Variants in DDX10 observed in about 807,000 individuals in gnomAD.
DDX10 encodes the protein DEAD-box helicase 10.
A neutral mutation model predicts 104.3 loss-of-function variants in DDX10; 74 were observed. The ratio of observed to expected loss-of-function variants is 0.71; its 90% CI spans 0.59 to 0.86. DDX10 has a LOEUF of 0.86. Among genes scored for constraint, DDX10 ranks in the 40% least tolerant of loss-of-function variants. The pLI, the probability that DDX10 is intolerant of heterozygous loss-of-function variation, is 0.00. For synonymous variants in DDX10, 351 were observed against 353.4 expected (o/e 0.99, Z 0.08); for missense variants, 952 against 1,040.0 (o/e 0.92, Z 1.16).
intron 16 of DDX10, among the ~76,000 whole-genome samples, chr11:108,865,641 A>C (rs972726676): frequency 2.0e-5 from 3 of 152,096 alleles, no homozygotes; most frequent in African/African-American, 7.2e-5. Context: ...CTCGAATACC[A>C]AGTTGAAGAT....
chr11:108,673,399 A>G (rs986322918), intron 1 of DDX10, 68 bp from the exon 2 acceptor site: 9 of 1,015,600 alleles, frequency 8.9e-6, no homozygotes, highest in South Asian at 3.9e-5. Context: ...GGGCAATACA[A>G]TGTAGAGAAG....
At chr11:108,782,072 C>T (rs1028166379) in intron 13 of DDX10, among the ~76,000 whole-genome samples, 3 of 152,192 alleles carry the variant, frequency 2.0e-5, no homozygotes, top group African/African-American at 7.2e-5. Flanking sequence ...TAAAGGCTTG[C>T]AGCCCTAGGG....
intron 9 of DDX10, among the ~76,000 whole-genome samples, chr11:108,699,966 C>G (rs1308545639): frequency 6.6e-6 from 1 of 152,234 alleles, no homozygotes; most frequent in African/African-American, 2.4e-5. Flanking sequence ...TTTGTATACT[C>G]GGTTACAAAG....
chr11:108,852,052 C>A, intron 15 of DDX10, 101 bp from the exon 16 acceptor site: 1 of 882,756 alleles, frequency 1.1e-6, no homozygotes, highest in Non-Finnish European at 1.7e-6. Flanking sequence ...AAATGAATGT[C>A]ATATATTAGT....
intron 13 of DDX10, among the ~76,000 whole-genome samples, chr11:108,773,824 G>C (rs1475010155): frequency 6.6e-6 from 1 of 152,164 alleles, no homozygotes; most frequent in African/African-American, 2.4e-5. Flanking sequence ...GCTTTGGAGT[G>C]TACCATAGTG....
chr11:108,757,755 T>A (rs1047082745), intron 13 of DDX10, among the ~76,000 whole-genome samples: 1 of 152,054 alleles, frequency 6.6e-6, no homozygotes, highest in South Asian at 2.1e-4. Flanking sequence ...TTTCTCCCAG[T>A]ACTTGTTTTC....
intron 16 of DDX10, among the ~76,000 whole-genome samples, chr11:108,904,851 A>G (rs1220122506): frequency 6.6e-6 from 1 of 152,018 alleles, no homozygotes; most frequent in Non-Finnish European, 1.5e-5. Flanking sequence ...TGTTACTCTT[A>G]CCCTTAAAAA....
chr11:108,786,694 T>C (rs963321320), intron 13 of DDX10, among the ~76,000 whole-genome samples: 2 of 152,192 alleles, frequency 1.3e-5, no homozygotes, highest in African/African-American at 4.8e-5. Flanking sequence ...TTATTTTCCA[T>C]TTGCATGATA....
chr11:108,915,445 TG>T (rs375545877), intron 16 of DDX10, among the ~76,000 whole-genome samples: 4,766 of 110,760 alleles, frequency 0.043, 164 homozygotes, highest in African/African-American at 0.21. Flanking sequence ...TTTTTTTTTT[TG>T]GTTTTTTTTT....
At position 108,933,181 on chromosome 11, in the gene DDX10, G is replaced by T. The variant is rs903289420; in HGVS notation, c.2451-7065G>T. The stretch of plus-strand genomic sequence containing the variant: ...TACAGGGAGGGGTCATTAATGGAAA[G>T]TTATTAAGAAGGAACATCAGGGTTG... On this transcript the variant is annotated intron_variant, in intron 17 of 17. Transcript: ENST00000322536. Among the ~76,000 whole-genome samples, 28 of 151,954 alleles carry T rather than the reference G, an allele frequency of 1.8e-4. 2 individuals are homozygous for T. Among genetic ancestry groups the T allele is most frequent in the African/African-American group, 6.5e-4 (27 of 41,236 alleles).
chr11:108,852,351 A>G (rs1591835453), intron 16 of DDX10, 142 bp downstream of exon 16: 1 of 603,918 alleles, frequency 1.7e-6, no homozygotes, highest in Non-Finnish European at 2.8e-6. Context: ...TTTATATATT[A>G]TTTGTATATC....
intron 13 of DDX10, among the ~76,000 whole-genome samples, chr11:108,757,323 C>G (rs775091504): frequency 1.3e-4 from 20 of 152,044 alleles, no homozygotes; most frequent in Non-Finnish European, 1.5e-5. Flanking sequence ...GTAACATAAG[C>G]TACACCTGTT....
intron 13 of DDX10, among the ~76,000 whole-genome samples, chr11:108,796,513 G>A (rs1302850492): frequency 6.6e-6 from 1 of 152,174 alleles, no homozygotes; most frequent in East Asian, 1.9e-4. Flanking sequence ...GAATTCGATA[G>A]CTAAAATGAC....
At chr11:108,873,717 C>T (rs1158545212) in intron 16 of DDX10, among the ~76,000 whole-genome samples, 1 of 152,130 alleles carries the variant, frequency 6.6e-6, no homozygotes, top group Non-Finnish European at 1.5e-5. Context: ...GACTTAAGGC[C>T]CTCTGACATA....
chr11:108,685,303 G>C (rs965246790), intron 6 of DDX10, among the ~76,000 whole-genome samples: 1 of 150,792 alleles, frequency 6.6e-6, no homozygotes, highest in Admixed American at 6.6e-5. Flanking sequence ...TTCCAGGTGC[G>C]TCCGTCACCC....
At chr11:108,809,298 A>G (rs950186847) in intron 13 of DDX10, among the ~76,000 whole-genome samples, 3 of 152,208 alleles carry the variant, frequency 2.0e-5, no homozygotes, top group African/African-American at 7.2e-5. Flanking sequence ...GTAGACTTTC[A>G]GAGGTAGTTT....
chr11:108,932,521 A>C (rs1057399612), intron 17 of DDX10, among the ~76,000 whole-genome samples: 19 of 152,032 alleles, frequency 1.2e-4, no homozygotes, highest in African/African-American at 4.6e-4. Context: ...ATCCTCTTCC[A>C]TTCTCCATTG....
intron 13 of DDX10, among the ~76,000 whole-genome samples, chr11:108,765,944 A>G (rs2094355887): frequency 6.6e-6 from 1 of 152,218 alleles, no homozygotes; most frequent in Admixed American, 6.5e-5. Context: ...TGAAGTATTG[A>G]ATCATAGGTG....
chr11:108,672,083 AAAAG>A (rs2134435056), intron 1 of DDX10, among the ~76,000 whole-genome samples: 1 of 151,912 alleles, frequency 6.6e-6, no homozygotes, highest in East Asian at 1.9e-4. Context: ...AAAAAAAAAA[AAAAG>A]GAATATGGTA....
Sources: allele counts gnomAD v4.1 joint callset (sites outside exome capture counted in the v4.1 genomes callset), GRCh38; gene constraint gnomAD v4.1.1; transcripts MANE v1.5; gene names NCBI Gene and HGNC (gene_info 2026-07-23, HGNC 2026-07-21).